ZNF415: variants seen among roughly 807,000 people sequenced by gnomAD.
ZNF415 encodes zinc finger protein 415.
A neutral mutation model predicts 7.3 loss-of-function variants in ZNF415; 5 were observed. The observed-to-expected ratio is 0.69, with a 90% confidence interval of 0.36 to 1.44. The LOEUF (loss-of-function observed/expected upper bound fraction) is 1.44, where lower values mean the gene tolerates loss of function less well. Ranked by LOEUF, ZNF415 falls within the 40% of genes most tolerant of loss-of-function variation. The pLI is 0.04. For synonymous variants in ZNF415, 207 were observed against 226.3 expected, an observed-to-expected ratio of 0.91 and a Z score of 0.77; for missense variants, 628 against 664.8, an observed-to-expected ratio of 0.94 and a Z score of 0.61.
At chr19:53,120,307 A>G (rs1222831156) in intron 2 of ZNF415, among the ~76,000 whole-genome samples, 1 of 152,238 alleles carries the variant, frequency 6.6e-6, no homozygotes, top group Non-Finnish European at 1.5e-5. Flanking sequence ...CAACTTGAAA[A>G]AGGAGCAAGC....
intron 2 of ZNF415, 70 bp downstream of exon 2, chr19:53,122,592 C>G: frequency 6.2e-7 from 1 of 1,610,466 alleles, no homozygotes; most frequent in Non-Finnish European, 8.5e-7. Flanking sequence ...AGATTTGCAG[C>G]TCCAAGGCAT....
intron 3 of ZNF415, chr19:53,116,029 A>T: frequency 1.6e-6 from 1 of 614,644 alleles, no homozygotes; most frequent in African/African-American, 1.8e-5. Flanking sequence ...CTACTGAATC[A>T]AAGCACAGGG....
Position 53,115,799 on chromosome 19 carries a change from A to G in ZNF415, c.136+514T>C, listed in dbSNP as rs1160780233. ...CCAGGGCTCTTTCCTGTGCTCCCACATAGGATAATACTCTGGTCAGGAAGA... is the reference window on the plus strand; with the variant it reads ...CCAGGGCTCTTTCCTGTGCTCCCACGTAGGATAATACTCTGGTCAGGAAGA... On this transcript the variant is annotated intron_variant, in intron 3 of 3. Coordinates refer to ENST00000243643, the MANE Select transcript of ZNF415 (RefSeq NM_018355.4). The G allele has an allele frequency of 1.9e-6, 3 of 1,550,316 alleles. No homozygotes were observed. In the African/African-American group the frequency reaches 4.1e-5, roughly 21 times the overall value.
intron 1 of ZNF415, among the ~76,000 whole-genome samples, chr19:53,127,884 A>AAAAAAAG (rs2089460911): frequency 6.7e-6 from 1 of 149,180 alleles, no homozygotes; most frequent in African/African-American, 2.4e-5. Context: ...TCAAAAAAAA[A>AAAAAAAG]AAAAAGAAAA....
chr19:53,131,062 AC>A lies in ZNF415; in HGVS notation c.-68+1793del, dbSNP rs2090007440. On this transcript the variant is annotated intron_variant, in intron 1 of 3. Coordinates refer to ENST00000243643, the MANE Select transcript of ZNF415 (RefSeq NM_018355.4). Reference sequence around the variant, plus strand: ...TAAAACATTTTGAGATTTTCTTGCAACTTTTTTTTTTTTTTTTTTTTTTTTT... The same window carrying A: ...TAAAACATTTTGAGATTTTCTTGCAATTTTTTTTTTTTTTTTTTTTTTTTT... Among the ~76,000 whole-genome samples, 5 of 109,868 alleles carry A rather than the reference AC, an allele frequency of 4.6e-5. No homozygotes were observed. In the South Asian group the frequency reaches 1.3e-3, roughly 29 times the overall value. 72.1% of individuals were successfully genotyped at this position (109,868 alleles called of 152,430 possible). A position where few individuals can be genotyped will look rare whatever the true frequency, so the allele number is the denominator to read the frequency against.
chr19:53,110,155 T>C (rs2086024065), intron 3 of ZNF415, among the ~76,000 whole-genome samples: 1 of 152,164 alleles, frequency 6.6e-6, no homozygotes, highest in East Asian at 1.9e-4. Flanking sequence ...CCAAAACACA[T>C]TGTACAAACC....
At chr19:53,121,521 A>G (rs62115465) in intron 2 of ZNF415, among the ~76,000 whole-genome samples, 92,594 of 151,738 alleles carry the variant, frequency 0.61, 29,416 homozygotes, top group East Asian at 0.74. Flanking sequence ...TTTGCCTCCC[A>G]GGTTCAAGTG....
At chr19:53,125,341 CTT>C (rs879871501) in intron 1 of ZNF415, among the ~76,000 whole-genome samples, 8 of 142,192 alleles carry the variant, frequency 5.6e-5, no homozygotes, top group Non-Finnish European at 6.2e-5. Context: ...CGCGCCTGGC[CTT>C]TTTTTTTTTT....
chr19:53,122,551 CG>C, intron 2 of ZNF415, 110 bp downstream of exon 2: 1 of 1,601,140 alleles, frequency 6.2e-7, no homozygotes, highest in South Asian at 1.1e-5. Context: ...TGTGAGCAAA[CG>C]CGTCAGGCAG....
intron 1 of ZNF415, chr19:53,123,634 A>C: frequency 2.5e-6 from 1 of 398,838 alleles, no homozygotes; most frequent in Non-Finnish European, 4.4e-6. Context: ...GGACACAGGC[A>C]GGAGATGAGG....
rs866496213 is a variant in ZNF415 at position 53,113,529 on chromosome 19, A to C, written c.136+2784T>G. The stretch of plus-strand genomic sequence containing the variant: ...CTCAAAAAAAAAAAAAAAAAAAAAA[A>C]AAAAACCGAGGCATTACAGCAGTGT... On this transcript the variant is annotated intron_variant, in intron 3 of 3. Coordinates refer to ENST00000243643, the MANE Select transcript of ZNF415 (RefSeq NM_018355.4). Among the ~76,000 whole-genome samples the C allele has an allele frequency of 3.6e-4, 10 of 27,480 alleles. 4 individuals carry two copies. The South Asian group carries it at 1.0e-2, about 27-fold the overall frequency. The allele number at this position is 27,480 out of a possible 152,430, so 18.0% of individuals were successfully genotyped here.
At chr19:53,113,687 A>G (rs77281116) in intron 3 of ZNF415, among the ~76,000 whole-genome samples, 20,180 of 152,114 alleles carry the variant, frequency 0.13, 1,610 homozygotes, top group Middle Eastern at 0.18. Context: ...GAGAATGAAC[A>G]ATGGTGCACA....
intron 2 of ZNF415, among the ~76,000 whole-genome samples, chr19:53,117,790 C>CTATA (rs564564628): frequency 7.2e-5 from 11 of 152,024 alleles, no homozygotes; most frequent in Non-Finnish European, 1.3e-4. Flanking sequence ...ACACACAATA[C>CTATA]TATAAAACCC....
intron 2 of ZNF415, among the ~76,000 whole-genome samples, chr19:53,120,998 T>G (rs764654506): frequency 4.1e-5 from 6 of 146,006 alleles, no homozygotes; most frequent in Non-Finnish European, 7.5e-5. Context: ...GCAGGAGAAT[T>G]GCTTGAACCT....
chr19:53,108,689 A>G lies in ZNF415; in HGVS notation c.1356T>C (p.His452=). The G allele has an allele frequency of 6.2e-7, 1 of 1,614,142 alleles. No individual in the cohort carries two copies. The highest frequency in any genetic ancestry group is 8.5e-7 in the Non-Finnish European group (1 of 1,180,028). Reference sequence around the variant, plus strand: ...TGACCTGATGGGTAGTTAAGTTCGAATGCACACTAAAGGCTTTCCCACACT... The same window carrying G: ...TGACCTGATGGGTAGTTAAGTTCGAGTGCACACTAAAGGCTTTCCCACACT... ...CNECGKAFSV[H]SNLTTHQVIH... is the part of the protein sequence containing the mutation. The change falls in exon 4 of 4, where the codon CAT becomes CAC. Residue 452 remains histidine (H), a synonymous_variant. Coordinates refer to ENST00000243643, the MANE Select transcript of ZNF415 (RefSeq NM_018355.4).
intron 2 of ZNF415, among the ~76,000 whole-genome samples, chr19:53,121,244 G>A (rs1318377140): frequency 6.6e-6 from 1 of 151,512 alleles, no homozygotes; most frequent in African/African-American, 2.4e-5. Context: ...AATTAGCCAG[G>A]CATAGTGGCG....
intron 3 of ZNF415, chr19:53,115,929 G>A (rs1327102049): frequency 6.3e-6 from 5 of 799,372 alleles, no homozygotes; most frequent in Non-Finnish European, 1.0e-5. Flanking sequence ...ATGGATCTAG[G>A]AAAATATTTC....
chr19:53,131,657 T>TCCTGCTGCTCCTCC (rs879717253), intron 1 of ZNF415, among the ~76,000 whole-genome samples: 31 of 152,022 alleles, frequency 2.0e-4, no homozygotes, highest in Non-Finnish European at 3.4e-4. Context: ...CCCTCTCCTC[T>TCCTGCTGCTCCTCC]CCTGCTGCTC....
chr19:53,115,877 A>G, intron 3 of ZNF415: 1 of 1,283,924 alleles, frequency 7.8e-7, no homozygotes, highest in Middle Eastern at 1.8e-4. Context: ...GCTTTTCAAG[A>G]ATCTCAGCCC....
Sources: allele counts gnomAD v4.1 joint callset (sites outside exome capture counted in the v4.1 genomes callset), GRCh38; gene constraint gnomAD v4.1.1; transcripts MANE v1.5; gene names NCBI Gene and HGNC (gene_info 2026-07-23, HGNC 2026-07-21).